The following TENM2 variants were observed in gnomAD, a reference collection of about 807,000 sequenced individuals.
TENM2 encodes teneurin-2.
Under a neutral mutation model 245.2 loss-of-function variants are expected in TENM2, and 52 were observed. That is an observed-to-expected ratio of 0.21 (90% CI 0.17 to 0.27). TENM2 has a LOEUF of 0.27. Among genes scored for constraint, TENM2 ranks in the 10% least tolerant of loss-of-function variants. TENM2 has a pLI of 1.00. For missense variants in TENM2, 3,046 were observed against 3,666.8 expected (o/e 0.83, Z 4.37); for synonymous variants, 1,363 against 1,438.9 (o/e 0.95, Z 1.19).
rs1291009773 is a variant in TENM2 at position 168,156,273 on chromosome 5, T to C, written c.2423-6338T>C. 9.3e-5 allele frequency among the ~76,000 whole-genome samples: 6 copies of C among 64,712 alleles called. No homozygotes were observed. The East Asian group carries it at 1.9e-3, about 21-fold the overall frequency. 42.5% of individuals were successfully genotyped at this position (64,712 alleles called of 152,430 possible). ...AAAAAAAAAAAAAAAAAAACACTTT[T>C]TTTTTTTCACCTCAGTTTAACTTAG... On this transcript the variant is annotated intron_variant, in intron 12 of 28. Transcript: ENST00000518659.
chr5:167,600,111 C>CA (rs1168732657), intron 2 of TENM2, among the ~76,000 whole-genome samples: 2 of 151,734 alleles, frequency 1.3e-5, no homozygotes, highest in African/African-American at 4.8e-5. Context: ...ACGTGGAACT[C>CA]AGAGGAGAAA....
rs370642804 is a variant in TENM2, at chr5:167,588,720, A to G, written c.502+213247A>G. 1.7e-3 allele frequency among the ~76,000 whole-genome samples: 261 copies of G among 152,306 alleles called. 12 individuals carry two copies. The South Asian group carries it at 0.052, about 30-fold the overall frequency. On this transcript the variant is annotated intron_variant, in intron 2 of 28. Transcript: ENST00000518659. ...AAGACCATTAGCAGAAAATTACTGA[A>G]CTCATGGAAATGACATGTAGATAGA...
chr5:168,140,492 C>T (rs1459317552), intron 12 of TENM2, among the ~76,000 whole-genome samples: 1 of 152,124 alleles, frequency 6.6e-6, no homozygotes, highest in Non-Finnish European at 1.5e-5. Context: ...TACCAGCAAA[C>T]CAAGCCAGTG....
the TENM2 span, among the ~76,000 whole-genome samples, chr5:166,989,105 T>C: frequency 5.3e-5 from 8 of 152,256 alleles, no homozygotes; most frequent in African/African-American, 1.9e-4. Flanking sequence ...AGTCTCGCTC[T>C]GTGGCTCAGC....
At chr5:167,238,478 G>C in the TENM2 span, among the ~76,000 whole-genome samples, 2 of 152,084 alleles carry the variant, frequency 1.3e-5, no homozygotes, top group Non-Finnish European at 2.9e-5. Flanking sequence ...GCTTGGATTA[G>C]ACCTAAGAGA....
Position 168,167,429 on chromosome 5 carries a change from A to G in TENM2, c.2569+4672A>G, listed in dbSNP as rs565218262. Reference sequence around the variant, plus strand: ...GAGCCCTAGCCCTTCCATCATTTCAAGCCGGCATCGGAGTGAGTCTGAAGC... The same window carrying G: ...GAGCCCTAGCCCTTCCATCATTTCAGGCCGGCATCGGAGTGAGTCTGAAGC... On this transcript the variant is annotated intron_variant, in intron 13 of 28. Coordinates refer to ENST00000518659, the Ensembl canonical transcript of TENM2. 3.3e-5 allele frequency among the ~76,000 whole-genome samples: 5 copies of G among 152,180 alleles called. No homozygotes were observed. The South Asian group carries it at 1.0e-3, about 32-fold the overall frequency.
In TENM2 at chr5:167,767,449, A is replaced by G. The variant is rs953648931; in HGVS notation, c.503-108537A>G. The stretch of plus-strand genomic sequence containing the variant: ...ATGGGTATGGAGTTTTGGTTTGAAA[A>G]GACAAAAGACCTCCGGAGATGGATG... On this transcript the variant is annotated intron_variant, in intron 2 of 28. Coordinates refer to ENST00000518659, the Ensembl canonical transcript of TENM2. Among the ~76,000 whole-genome samples, 8 of 152,324 alleles carry G rather than the reference A, an allele frequency of 5.3e-5. No homozygotes were observed. In the South Asian group the frequency reaches 1.7e-3, roughly 32 times the overall value.
intron 6 of TENM2, among the ~76,000 whole-genome samples, chr5:168,050,790 C>T (rs1789017318): frequency 6.6e-6 from 1 of 152,208 alleles, no homozygotes; most frequent in East Asian, 1.9e-4. Flanking sequence ...AGAGTACATT[C>T]TTTGGTCTTT....
At chr5:167,560,463 C>A (rs923146437) in intron 2 of TENM2, among the ~76,000 whole-genome samples, 1 of 151,936 alleles carries the variant, frequency 6.6e-6, no homozygotes, top group Non-Finnish European at 1.5e-5. Context: ...CGGATTATAA[C>A]CACAGGGAGA....
chr5:167,350,599 GATAT>G (rs763738444), intron 1 of TENM2, among the ~76,000 whole-genome samples: 5 of 122,458 alleles, frequency 4.1e-5, no homozygotes, highest in East Asian at 2.3e-4. Flanking sequence ...TATATATATG[GATAT>G]ATATATATGG....
At chr5:167,746,610 G>A (rs1442141509) in intron 2 of TENM2, among the ~76,000 whole-genome samples, 1 of 149,226 alleles carries the variant, frequency 6.7e-6, no homozygotes, top group Non-Finnish European at 1.5e-5. Context: ...AGCCACTCAC[G>A]ACTTGTGTGT....
intron 2 of TENM2, among the ~76,000 whole-genome samples, chr5:167,570,538 A>G (rs562488590): frequency 3.3e-5 from 5 of 152,186 alleles, no homozygotes; most frequent in Non-Finnish European, 7.3e-5. Flanking sequence ...TCAAGGTCGT[A>G]TGTAGAATAA....
At chr5:167,001,974 T>G in the TENM2 span, among the ~76,000 whole-genome samples, 1 of 152,224 alleles carries the variant, frequency 6.6e-6, no homozygotes, top group Non-Finnish European at 1.5e-5. Flanking sequence ...TCATATCATA[T>G]AAAATTCTTT....
chr5:167,983,847 A>T (rs1392710605), intron 4 of TENM2, among the ~76,000 whole-genome samples: 1 of 152,186 alleles, frequency 6.6e-6, no homozygotes, highest in African/African-American at 2.4e-5. Flanking sequence ...CAATTCTCCA[A>T]TCACCAGGCT....
At chr5:167,683,383 G>A (rs562785302) in intron 2 of TENM2, among the ~76,000 whole-genome samples, 5 of 151,982 alleles carry the variant, frequency 3.3e-5, no homozygotes, top group South Asian at 4.2e-4. Flanking sequence ...TCCTTCCCCC[G>A]GTTGCACAAA....
At chr5:168,110,503 A>G (rs2152313373) in intron 9 of TENM2, among the ~76,000 whole-genome samples, 1 of 152,282 alleles carries the variant, frequency 6.6e-6, no homozygotes, top group South Asian at 2.1e-4. Flanking sequence ...AAAACAAGGG[A>G]AGGAAGAAAG....
intron 2 of TENM2, among the ~76,000 whole-genome samples, chr5:167,524,043 T>C (rs1042295788): frequency 6.6e-6 from 1 of 152,162 alleles, no homozygotes; most frequent in African/African-American, 2.4e-5. Context: ...TCAGTTAGCC[T>C]ATGATTCTTT....
chr5:167,418,797 G>A (rs1763313808), intron 2 of TENM2, among the ~76,000 whole-genome samples: 2 of 152,116 alleles, frequency 1.3e-5, no homozygotes, highest in African/African-American at 2.4e-5. Flanking sequence ...AAAAGCCAAG[G>A]ATGGGGAAAT....
At chr5:167,183,161 G>A in the TENM2 span, among the ~76,000 whole-genome samples, 7 of 151,910 alleles carry the variant, frequency 4.6e-5, no homozygotes, top group East Asian at 7.7e-4. Context: ...TCTCATTCAC[G>A]CACATGATTA....
Sources: allele counts gnomAD v4.1 joint callset (sites outside exome capture counted in the v4.1 genomes callset), GRCh38; gene constraint gnomAD v4.1.1; transcripts MANE v1.5; gene names NCBI Gene and HGNC (gene_info 2026-07-23, HGNC 2026-07-21).